The following ATG10 variants were observed in gnomAD, a reference collection of about 807,000 sequenced individuals.
The protein encoded by ATG10 is autophagy related 10.
Under a neutral mutation model 32.1 loss-of-function variants are expected in ATG10, and 30 were observed. The ratio of observed to expected loss-of-function variants is 0.94; its 90% CI spans 0.70 to 1.27. The LOEUF (loss-of-function observed/expected upper bound fraction) is 1.27, where lower values mean the gene tolerates loss of function less well. Ranked by LOEUF, ATG10 falls within the 50% of genes most tolerant of loss-of-function variation. The pLI is 0.00. For missense variants in ATG10, 233 were observed against 262.3 expected (o/e 0.89, Z 0.77); for synonymous variants, 87 against 91.5 (o/e 0.95, Z 0.28).
chr5:82,129,025 A>G (rs1457085826), intron 3 of ATG10, among the ~76,000 whole-genome samples: 1 of 151,720 alleles, frequency 6.6e-6, no homozygotes, highest in African/African-American at 2.4e-5. Flanking sequence ...CTTTTCACAT[A>G]GTCCCATATT....
chr5:82,109,579 T>A (rs1297583506), intron 3 of ATG10, among the ~76,000 whole-genome samples: 1 of 151,884 alleles, frequency 6.6e-6, no homozygotes, highest in Non-Finnish European at 1.5e-5. Context: ...TATTTGATTT[T>A]TTATGAGAGA....
chr5:82,138,867 CTCCCCCTCCCCCTCTCCCT>C (rs1766896021), intron 3 of ATG10, among the ~76,000 whole-genome samples: 3 of 90,424 alleles, frequency 3.3e-5, no homozygotes, highest in African/African-American at 1.3e-4. Flanking sequence ...CCCCCTCCCC[CTCCCCCTCCCCCTCTCCCT>C]CTCCCTCTCA....
At chr5:82,112,874 T>C (rs1194792633) in intron 3 of ATG10, among the ~76,000 whole-genome samples, 3 of 151,910 alleles carry the variant, frequency 2.0e-5, no homozygotes, top group African/African-American at 7.2e-5. Flanking sequence ...GTGCAAGTGG[T>C]TAGTGATATT....
intron 5 of ATG10, among the ~76,000 whole-genome samples, chr5:82,183,153 G>A (rs1581779040): frequency 6.6e-6 from 1 of 151,908 alleles, no homozygotes; most frequent in Non-Finnish European, 1.5e-5. Flanking sequence ...TATTATCACA[G>A]ATAAAATTAT....
chr5:82,252,082 T>C (rs544259991), intron 5 of ATG10, among the ~76,000 whole-genome samples: 96 of 152,358 alleles, frequency 6.3e-4, no homozygotes, highest in Non-Finnish European at 8.4e-4. Flanking sequence ...CCACTGGCAC[T>C]GGATACATGT....
intron 5 of ATG10, among the ~76,000 whole-genome samples, chr5:82,179,182 A>G (rs1174718852): frequency 6.6e-6 from 1 of 152,132 alleles, no homozygotes; most frequent in East Asian, 1.9e-4. Context: ...TTGAAGATGT[A>G]TCACTTTTGC....
At chr5:82,117,409 A>G (rs752229161) in intron 3 of ATG10, among the ~76,000 whole-genome samples, 1 of 152,254 alleles carries the variant, frequency 6.6e-6, no homozygotes, top group South Asian at 2.1e-4. Flanking sequence ...TCATCTGTCA[A>G]TCAACTTTGA....
chr5:82,110,114 A>G (rs1765571136), intron 3 of ATG10, among the ~76,000 whole-genome samples: 2 of 151,990 alleles, frequency 1.3e-5, no homozygotes, highest in African/African-American at 4.8e-5. Context: ...CCATGTCCCT[A>G]CAAAGGACAT....
Position 81,987,828 on chromosome 5 carries a change from A to T in ATG10, c.108+150A>T, listed in dbSNP as rs998541939. 5 of 587,516 alleles carry T rather than the reference A, an allele frequency of 8.5e-6. No individual in the cohort carries two copies. The African/African-American group carries it at 9.4e-5, about 11-fold the overall frequency. 36.4% of individuals were successfully genotyped at this position (587,516 alleles called of 1,614,324 possible). On this transcript the variant is annotated intron_variant, in intron 2 of 7. Coordinates refer to ENST00000282185, the MANE Select transcript of ATG10 (RefSeq NM_031482.5). ...AAAGTCTTAAATTGAAGAATGTCTTACAACAGATGTCCATTTTCTTACTTC... is the reference window on the plus strand; with the variant it reads ...AAAGTCTTAAATTGAAGAATGTCTTTCAACAGATGTCCATTTTCTTACTTC...
chr5:81,974,450 A>G (rs1760814149), intron 1 of ATG10, among the ~76,000 whole-genome samples: 1 of 152,186 alleles, frequency 6.6e-6, no homozygotes, highest in Admixed American at 6.5e-5. Context: ...GGGCTTAGTA[A>G]TAGGAGTGTA....
At chr5:82,083,549 C>T (rs1764559884) in intron 3 of ATG10, among the ~76,000 whole-genome samples, 1 of 152,206 alleles carries the variant, frequency 6.6e-6, no homozygotes, top group East Asian at 1.9e-4. Flanking sequence ...GGGTCCCTGA[C>T]CCCTGAGTAG....
At chr5:82,020,345 T>C (rs534635663) in intron 2 of ATG10, among the ~76,000 whole-genome samples, 2 of 152,308 alleles carry the variant, frequency 1.3e-5, no homozygotes, top group African/African-American at 2.4e-5. Context: ...ACAAAACTAA[T>C]AGTAGGATTG....
intron 2 of ATG10, among the ~76,000 whole-genome samples, chr5:82,001,932 A>G (rs1761860212): frequency 6.6e-6 from 1 of 152,230 alleles, no homozygotes; most frequent in Non-Finnish European, 1.5e-5. Context: ...ATTTAAACAA[A>G]TTAACAAGCA....
At chr5:82,180,684 GAAAAATATATTC>G (rs1456839865) in intron 5 of ATG10, among the ~76,000 whole-genome samples, 1 of 151,984 alleles carries the variant, frequency 6.6e-6, no homozygotes, top group Non-Finnish European at 1.5e-5. Flanking sequence ...AAAGATAGAG[GAAAAATATATTC>G]AAAAATATAT....
intron 1 of ATG10, among the ~76,000 whole-genome samples, chr5:81,982,672 A>G (rs1343064353): frequency 6.6e-6 from 1 of 152,126 alleles, no homozygotes; most frequent in Non-Finnish European, 1.5e-5. Flanking sequence ...AAACAAGTGA[A>G]CAAAGGTCTC....
intron 5 of ATG10, among the ~76,000 whole-genome samples, chr5:82,237,005 T>C (rs1036211648): frequency 1.3e-5 from 2 of 152,144 alleles, no homozygotes; most frequent in African/African-American, 2.4e-5. Context: ...CCCCTTTTTT[T>C]CCCCTTTTTT....
At chr5:82,242,764 C>A in intron 5 of ATG10, 1 of 408,552 alleles carries the variant, frequency 2.4e-6, no homozygotes, top group East Asian at 7.7e-5. Flanking sequence ...CAATATAAAG[C>A]ATTCACAGGA....
At chr5:82,002,240 A>G (rs1313653679) in intron 2 of ATG10, among the ~76,000 whole-genome samples, 2 of 152,244 alleles carry the variant, frequency 1.3e-5, no homozygotes, top group Non-Finnish European at 2.9e-5. Flanking sequence ...CAATTTTCCA[A>G]AGAACTCAAA....
At chr5:82,128,137 C>T (rs1245964230) in intron 3 of ATG10, among the ~76,000 whole-genome samples, 1 of 151,888 alleles carries the variant, frequency 6.6e-6, no homozygotes, top group East Asian at 1.9e-4. Flanking sequence ...CTTCCATTTG[C>T]TTGGTAATTA....
Sources: allele counts gnomAD v4.1 joint callset (sites outside exome capture counted in the v4.1 genomes callset), GRCh38; gene constraint gnomAD v4.1.1; transcripts MANE v1.5; gene names NCBI Gene and HGNC (gene_info 2026-07-23, HGNC 2026-07-21).